The following CIMAP3 variants were observed in gnomAD, a reference collection of about 807,000 sequenced individuals.
The protein encoded by CIMAP3 is ciliary microtubule-associated protein 3.
the CIMAP3 span, among the ~76,000 whole-genome samples, chr1:111,346,071 C>A: frequency 6.6e-6 from 1 of 152,200 alleles, no homozygotes; most frequent in Non-Finnish European, 1.5e-5. Flanking sequence ...CCGGTCCACG[C>A]AAGGCCTCCA....
At chr1:111,334,706 T>C in the CIMAP3 span, among the ~76,000 whole-genome samples, 2 of 152,182 alleles carry the variant, frequency 1.3e-5, no homozygotes, top group Non-Finnish European at 2.9e-5. Context: ...TAAATGATAA[T>C]TTTTAAAAAT....
the CIMAP3 span, chr1:111,348,993 T>C: frequency 1.8e-5 from 3 of 169,764 alleles, no homozygotes; most frequent in Non-Finnish European, 3.8e-5. Context: ...AGTGATAGAG[T>C]GACCATATAA....
chr1:111,327,820 T>G, the CIMAP3 span, among the ~76,000 whole-genome samples: 1 of 136,300 alleles, frequency 7.3e-6, no homozygotes, highest in East Asian at 2.3e-4. Context: ...ATTCACTGAT[T>G]TTTTGAATTT....
chr1:111,335,581 G>A, the CIMAP3 span, among the ~76,000 whole-genome samples: 8 of 152,226 alleles, frequency 5.3e-5, no homozygotes, highest in Non-Finnish European at 7.3e-5. Flanking sequence ...CTACGCCCAC[G>A]GAATCTCGCT....
At chr1:111,341,124 G>T in the CIMAP3 span, among the ~76,000 whole-genome samples, 2 of 147,940 alleles carry the variant, frequency 1.4e-5, no homozygotes, top group Non-Finnish European at 3.0e-5. Context: ...ACCAAACACC[G>T]CATATTCTCA....
the CIMAP3 span, among the ~76,000 whole-genome samples, chr1:111,342,051 A>G: frequency 6.6e-6 from 1 of 152,224 alleles, no homozygotes; most frequent in African/African-American, 2.4e-5. Context: ...TGAGAACGAT[A>G]TAAACACCTA....
At chr1:111,352,643 G>T in the CIMAP3 span, 4 of 152,238 alleles carry the variant, frequency 2.6e-5, no homozygotes, top group Admixed American at 2.0e-4. Context: ...CTGTTATCAA[G>T]AAGTATTTAT....
chr1:111,343,849 C>G, the CIMAP3 span, among the ~76,000 whole-genome samples: 26 of 152,302 alleles, frequency 1.7e-4, no homozygotes, highest in East Asian at 4.6e-3. Context: ...ATACTGGGAT[C>G]TTTATTGACT....
At chr1:111,335,833 C>G in the CIMAP3 span, among the ~76,000 whole-genome samples, 1,205 of 152,350 alleles carry the variant, frequency 7.9e-3, 16 homozygotes, top group African/African-American at 0.027. Context: ...TGTCTGACAG[C>G]TTTGAAGAGA....
At chr1:111,348,455 G>A in the CIMAP3 span, 18 of 1,423,570 alleles carry the variant, frequency 1.3e-5, no homozygotes, top group Non-Finnish European at 1.5e-5. Context: ...TACCTGGAAG[G>A]CTTTATGTGT....
chr1:111,346,860 C>G, the CIMAP3 span: 3,215 of 1,603,032 alleles, frequency 2.0e-3, 4 homozygotes, highest in Non-Finnish European at 2.5e-3. Context: ...AACGCGCTCA[C>G]GTAGACCCAG....
chr1:111,341,898 A>G, the CIMAP3 span, among the ~76,000 whole-genome samples: 1 of 151,992 alleles, frequency 6.6e-6, no homozygotes. Flanking sequence ...TTTTAATGAA[A>G]AAAAAAGAAA....
At chr1:111,335,753 G>A in the CIMAP3 span, among the ~76,000 whole-genome samples, 1 of 152,240 alleles carries the variant, frequency 6.6e-6, no homozygotes, top group Non-Finnish European at 1.5e-5. Flanking sequence ...GCCTCTGTAG[G>A]CTCCACCTCT....
the CIMAP3 span, among the ~76,000 whole-genome samples, chr1:111,336,859 A>G: frequency 1.3e-5 from 2 of 151,908 alleles, no homozygotes; most frequent in African/African-American, 2.4e-5. Context: ...CCACAAAGAT[A>G]CTCCTAGAGA....
chr1:111,337,293 C>T, the CIMAP3 span, among the ~76,000 whole-genome samples: 2 of 152,178 alleles, frequency 1.3e-5, no homozygotes, highest in East Asian at 3.8e-4. Flanking sequence ...CATCAACTAA[C>T]GTGCAAAATA....
At chr1:111,347,895 C>A in the CIMAP3 span, 1 of 681,124 alleles carries the variant, frequency 1.5e-6, no homozygotes, top group Non-Finnish European at 2.5e-6. Flanking sequence ...GAAAAGTAGG[C>A]ATTTAAGCAA....
At chr1:111,341,705 C>T in the CIMAP3 span, among the ~76,000 whole-genome samples, 4 of 152,220 alleles carry the variant, frequency 2.6e-5, no homozygotes, top group South Asian at 2.1e-4. Context: ...AGTTTAATCC[C>T]GCGTAGTCAG....
the CIMAP3 span, chr1:111,351,209 C>A: frequency 9.1e-7 from 1 of 1,095,354 alleles, no homozygotes; most frequent in Non-Finnish European, 1.4e-6. Context: ...AGACCAGAGG[C>A]AGAGGGTTCT....
chr1:111,335,362 G>A, the CIMAP3 span, among the ~76,000 whole-genome samples: 289 of 152,230 alleles, frequency 1.9e-3, no homozygotes, highest in Middle Eastern at 3.4e-3. Flanking sequence ...GTCAGTGGGT[G>A]CAGCACACTG....
Sources: gnomAD v4.1 joint callset for allele counts (sites outside exome capture counted in the v4.1 genomes callset) on GRCh38, gnomAD v4.1.1 for gene constraint, MANE v1.5 for transcripts, NCBI Gene and HGNC (gene_info 2026-07-23, HGNC 2026-07-21) for gene names.